The following QRSL1 variants were observed in gnomAD, a reference collection of about 807,000 sequenced individuals.
QRSL1 encodes the protein glutamyl-tRNA(Gln) amidotransferase subunit A, mitochondrial.
QRSL1 carries 54 observed loss-of-function variants against 61.6 expected under a neutral mutation model. The observed-to-expected ratio is 0.88, with a 90% confidence interval of 0.70 to 1.10. The LOEUF (loss-of-function observed/expected upper bound fraction) is 1.10, where lower values mean the gene tolerates loss of function less well. QRSL1 is among the 50% of genes least tolerant of loss of function. The probability of loss-of-function intolerance (pLI) is 0.00; values close to 1 mark genes in which losing one functional copy is unlikely to be tolerated. For synonymous variants in QRSL1, 228 were observed against 225.7 expected (o/e 1.01, Z -0.09); for missense variants, 505 against 622.6 (o/e 0.81, Z 2.01).
chr6:106,651,184 G>T (rs111799501), intron 5 of QRSL1, among the ~76,000 whole-genome samples: 1 of 151,872 alleles, frequency 6.6e-6, no homozygotes, highest in African/African-American at 2.4e-5. Context: ...TCTGTGACTG[G>T]CTTATTTCAT....
chr6:106,659,861 C>T (rs1254682123), intron 9 of QRSL1, among the ~76,000 whole-genome samples: 2 of 152,152 alleles, frequency 1.3e-5, no homozygotes, highest in African/African-American at 4.8e-5. Context: ...AACTTATTTC[C>T]GTCCCTGTTT....
At chr6:106,658,217 G>T (rs1463232705) in intron 9 of QRSL1, among the ~76,000 whole-genome samples, 6 of 151,564 alleles carry the variant, frequency 4.0e-5, no homozygotes, top group African/African-American at 1.5e-4. Context: ...AGTATTTCTG[G>T]TGCTTTTCTC....
chr6:106,641,333 G>A (rs1016622820), intron 3 of QRSL1, among the ~76,000 whole-genome samples: 1 of 152,144 alleles, frequency 6.6e-6, no homozygotes, highest in South Asian at 2.1e-4. Context: ...TAAACGTACT[G>A]TATAACCTCT....
intron 3 of QRSL1, among the ~76,000 whole-genome samples, chr6:106,642,117 T>C (rs565231641): frequency 6.6e-6 from 1 of 152,332 alleles, no homozygotes; most frequent in South Asian, 2.1e-4. Context: ...AGTGCAGTGG[T>C]GCGATCTCGG....
intron 5 of QRSL1, 32 bp downstream of exon 5, chr6:106,649,233 A>G (rs1160802148): frequency 2.5e-6 from 4 of 1,583,196 alleles, no homozygotes; most frequent in South Asian, 1.1e-5. Flanking sequence ...GTATTTTAAA[A>G]CCCACCCAAA....
rs573603945 is a variant in QRSL1 at position 106,636,317 on chromosome 6, A to C, written c.25-4032A>C. 3.2e-3 allele frequency among the ~76,000 whole-genome samples: 465 copies of C among 145,240 alleles called. 5 individuals carry two copies. Among genetic ancestry groups the C allele is most frequent in the African/African-American group, 0.012 (447 of 38,262 alleles). On this transcript the variant is annotated intron_variant, in intron 1 of 10. Coordinates refer to ENST00000369046, the MANE Select transcript of QRSL1 (RefSeq NM_018292.5). The stretch of plus-strand genomic sequence containing the variant: ...TCCTCGGTTGAATCCCAGCTCTGCT[A>C]CTTTTTTTTTTTTTTTTTTTTTAAG...
intron 7 of QRSL1, among the ~76,000 whole-genome samples, chr6:106,654,134 G>C (rs534000683): frequency 6.6e-6 from 1 of 152,170 alleles, no homozygotes; most frequent in South Asian, 2.1e-4. Flanking sequence ...GGCAGATCAC[G>C]AGGTCAGGAG....
chr6:106,661,181 G>A (rs539869369), intron 9 of QRSL1, among the ~76,000 whole-genome samples: 2 of 152,038 alleles, frequency 1.3e-5, no homozygotes, highest in Non-Finnish European at 2.9e-5. Context: ...CGCGATCTTG[G>A]CTCACTGCAT....
At chr6:106,648,253 G>A (rs1179233706) in intron 4 of QRSL1, among the ~76,000 whole-genome samples, 1 of 151,726 alleles carries the variant, frequency 6.6e-6, no homozygotes, top group Non-Finnish European at 1.5e-5. Flanking sequence ...CCGAGATCGC[G>A]CCACTGCACT....
At chr6:106,629,780 G>C in intron 1 of QRSL1, 75 bp downstream of exon 1, 1 of 1,545,260 alleles carries the variant, frequency 6.5e-7, no homozygotes, top group South Asian at 1.2e-5. Flanking sequence ...AGAGTCCCTG[G>C]GCCTTACCAC....
Position 106,665,980 on chromosome 6 carries a change from C to A in QRSL1, c.1565C>A (p.Ala522Asp). ...CSAVLENEKL[A>D]SVSLKQ ...GCAGTCCTTGAAAATGAAAAGTTAG[C>A]CTCTGTCTCTCTAAAACAGTAAACA... Residue 522 changes from alanine to aspartate, a missense_variant, in exon 11 of 11, where the codon GCC becomes GAC. Physicochemically the swap from Ala to Asp is moderately radical, Grantham distance 126 (BLOSUM62 -2). Transcript: ENST00000369046. 1 of 1,613,756 alleles carries A rather than the reference C, an allele frequency of 6.2e-7. No homozygotes were observed. The highest frequency in any genetic ancestry group is 8.5e-7 in the Non-Finnish European group (1 of 1,179,704).
At chr6:106,632,555 A>G (rs541472840) in intron 1 of QRSL1, among the ~76,000 whole-genome samples, 3 of 151,896 alleles carry the variant, frequency 2.0e-5, no homozygotes, top group Non-Finnish European at 4.4e-5. Context: ...CCTCCATACT[A>G]TTCTCCATAG....
chr6:106,642,555 A>G (rs1777038311), intron 3 of QRSL1: 1 of 726,786 alleles, frequency 1.4e-6, no homozygotes, highest in Admixed American at 1.8e-5. Context: ...ATGTGAACCT[A>G]TAAGAAAGGT....
In QRSL1 at chr6:106,631,150, C is replaced by T. The variant is rs553216903; in HGVS notation, c.24+1445C>T. On this transcript the variant is annotated intron_variant, in intron 1 of 10. Transcript: ENST00000369046. ...CTGAGGCAGGAGAATGGCGTGAACC[C>T]GGGAGGCGGAGCTTGCAGTGAGCCA... 3.4e-3 allele frequency among the ~76,000 whole-genome samples: 513 copies of T among 152,154 alleles called. 5 individuals are homozygous for T. The highest frequency in any genetic ancestry group is 0.012 in the African/African-American group (481 of 41,512).
intron 1 of QRSL1, among the ~76,000 whole-genome samples, chr6:106,632,981 T>C (rs1431573640): frequency 6.6e-6 from 1 of 152,234 alleles, no homozygotes; most frequent in Non-Finnish European, 1.5e-5. Context: ...TATTTTGATT[T>C]TGACAACTGT....
In QRSL1 at chr6:106,655,614, G is replaced by A. The variant is rs1777256941; in HGVS notation, c.1043-1G>A. On this transcript the variant is annotated splice_acceptor_variant, in intron 8 of 10. Coordinates refer to ENST00000369046, the MANE Select transcript of QRSL1 (RefSeq NM_018292.5). LOFTEE classifies it high-confidence loss of function. ...AATGTTTACCCTTTTCTTGTTTTCA[G>A]GTCACAGATGTGACATTGATGTGTC... 8.8e-6 allele frequency: 14 copies of A among 1,594,652 alleles called. No individual in the cohort carries two copies. The highest frequency in any genetic ancestry group is 7.7e-6 in the Non-Finnish European group (9 of 1,164,594).
intron 4 of QRSL1, among the ~76,000 whole-genome samples, 166 bp from the exon 5 acceptor site, chr6:106,648,859 A>G (rs933666134): frequency 9.9e-5 from 15 of 152,214 alleles, no homozygotes; most frequent in Non-Finnish European, 2.1e-4. Flanking sequence ...GCAACTGTCA[A>G]TTAATGAAAG....
At chr6:106,656,889 T>C (rs2883074) in intron 9 of QRSL1, among the ~76,000 whole-genome samples, 3,523 of 152,262 alleles carry the variant, frequency 0.023, 143 homozygotes, top group Admixed American at 0.11. Flanking sequence ...ACTCCTGGGT[T>C]CGAGCAATCC....
intron 1 of QRSL1, among the ~76,000 whole-genome samples, chr6:106,631,188 T>G (rs1442737029): frequency 6.6e-6 from 1 of 152,158 alleles, no homozygotes; most frequent in East Asian, 1.9e-4. Context: ...ATCACGCCAC[T>G]GCACTCCAGC....
Sources: gnomAD v4.1 joint callset for allele counts (sites outside exome capture counted in the v4.1 genomes callset) on GRCh38, gnomAD v4.1.1 for gene constraint, MANE v1.5 for transcripts, NCBI Gene and HGNC (gene_info 2026-07-23, HGNC 2026-07-21) for gene names.